Variants in PRR16 observed in about 807,000 individuals in gnomAD.
The protein encoded by PRR16 is proline rich 16.
Under a neutral mutation model 18.2 loss-of-function variants are expected in PRR16, and 6 were observed. The ratio of observed to expected loss-of-function variants is 0.33; its 90% confidence interval spans 0.18 to 0.65. The LOEUF is 0.65. PRR16 is among the 30% of genes least tolerant of loss of function. PRR16 has a pLI of 0.74. For synonymous variants in PRR16, 151 were observed against 147.8 expected, an observed-to-expected ratio of 1.02 and a Z score of -0.16; for missense variants, 412 against 376.6, an observed-to-expected ratio of 1.09 and a Z score of -0.78.
chr5:120,532,494 G>C (rs1292609451), intron 1 of PRR16, among the ~76,000 whole-genome samples: 1 of 151,778 alleles, frequency 6.6e-6, no homozygotes, highest in African/African-American at 2.4e-5. Context: ...AAATTAATTA[G>C]AATAATATTT....
At chr5:120,633,446 G>A (rs181149443) in intron 1 of PRR16, among the ~76,000 whole-genome samples, 37 of 152,178 alleles carry the variant, frequency 2.4e-4, no homozygotes, top group East Asian at 7.7e-4. Context: ...ATAAGAACTC[G>A]CCAACCAAGT....
intron 1 of PRR16, among the ~76,000 whole-genome samples, chr5:120,667,326 C>G (rs1262996036): frequency 2.1e-5 from 3 of 140,712 alleles, no homozygotes; most frequent in Non-Finnish European, 3.2e-5. Flanking sequence ...TTTATTGTGT[C>G]TATTTGATTC....
chr5:120,466,064 C>T lies in PRR16; in HGVS notation c.159+1419C>T, dbSNP rs150135074. On this transcript the variant is annotated intron_variant, in intron 1 of 1. Transcript: ENST00000407149. ...TAAATGTCGTTCCTGTAGGTTACTC[C>T]ACAGACAGAACATAATTAGTACTGA... 3.1e-3 allele frequency among the ~76,000 whole-genome samples: 470 copies of T among 152,198 alleles called. 4 individuals are homozygous for T. Among genetic ancestry groups the T allele is most frequent in the African/African-American group, 0.011 (454 of 41,524 alleles).
intron 1 of PRR16, among the ~76,000 whole-genome samples, chr5:120,482,702 C>G (rs974548977): frequency 6.6e-6 from 1 of 152,038 alleles, no homozygotes; most frequent in Non-Finnish European, 1.5e-5. Flanking sequence ...TGAGAAATGT[C>G]GAACTGCTTT....
the PRR16 span, among the ~76,000 whole-genome samples, chr5:120,764,798 GA>G: frequency 6.6e-6 from 1 of 151,982 alleles, no homozygotes; most frequent in Non-Finnish European, 1.5e-5. Context: ...TTAACATCAA[GA>G]AAATTAGATA....
the PRR16 span, among the ~76,000 whole-genome samples, chr5:120,734,119 G>A: frequency 1.3e-5 from 2 of 152,156 alleles, no homozygotes; most frequent in African/African-American, 4.8e-5. Context: ...TAAGCCCTAG[G>A]ATTCATTGCA....
At chr5:120,708,978 CTTTTTTTTTTTTTTTTTT>C in the PRR16 span, among the ~76,000 whole-genome samples, 9 of 43,688 alleles carry the variant, frequency 2.1e-4, no homozygotes, top group East Asian at 8.0e-4. Flanking sequence ...CTCTTTGGTA[CTTTTTTTTTTTTTTTTTT>C]TTTTTTTTTT....
chr5:120,731,149 C>T, the PRR16 span, among the ~76,000 whole-genome samples: 1 of 152,064 alleles, frequency 6.6e-6, no homozygotes, highest in Non-Finnish European at 1.5e-5. Flanking sequence ...CAGAATCTAA[C>T]AAGTTCTGTG....
At chr5:120,783,961 T>G in the PRR16 span, among the ~76,000 whole-genome samples, 1 of 152,120 alleles carries the variant, frequency 6.6e-6, no homozygotes, top group Non-Finnish European at 1.5e-5. Context: ...CGAGAACATG[T>G]GTATTTGTCT....
intron 1 of PRR16, among the ~76,000 whole-genome samples, chr5:120,657,522 T>C (rs1304440268): frequency 1.3e-5 from 2 of 151,944 alleles, no homozygotes; most frequent in African/African-American, 4.8e-5. Flanking sequence ...AGCTGGTTGT[T>C]AGACATTTAA....
chr5:120,662,841 C>G (rs1756223048), intron 1 of PRR16, among the ~76,000 whole-genome samples: 1 of 152,020 alleles, frequency 6.6e-6, no homozygotes, highest in African/African-American at 2.4e-5. Context: ...GGCCTGGGGA[C>G]CTTGGGGGCA....
intron 1 of PRR16, among the ~76,000 whole-genome samples, chr5:120,511,989 GTTAAA>G (rs1042350941): frequency 2.0e-5 from 3 of 152,148 alleles, no homozygotes; most frequent in Non-Finnish European, 4.4e-5. Flanking sequence ...AAGCTCCACA[GTTAAA>G]TTATTCAGCT....
chr5:120,530,992 T>A (rs1314381995), intron 1 of PRR16, among the ~76,000 whole-genome samples: 1 of 152,208 alleles, frequency 6.6e-6, no homozygotes, highest in African/African-American at 2.4e-5. Flanking sequence ...GAAATAGATA[T>A]ACAGTTGGTA....
At chr5:120,646,048 T>TATATATATATATATATATA (rs1755584808) in intron 1 of PRR16, among the ~76,000 whole-genome samples, 14 of 104,992 alleles carry the variant, frequency 1.3e-4, no homozygotes, top group Admixed American at 6.9e-4. Flanking sequence ...AATACATATT[T>TATATATATATATATATATA]TATATATATA....
At chr5:120,688,765 A>G (rs1757176128), downstream of PRR16, among the ~76,000 whole-genome samples, 2 of 152,190 alleles carry the variant, frequency 1.3e-5, no homozygotes, top group Non-Finnish European at 2.9e-5. Context: ...GCCCGATCCC[A>G]AGGTAGAGCT....
At chr5:120,759,719 C>A in the PRR16 span, among the ~76,000 whole-genome samples, 86,166 of 151,924 alleles carry the variant, frequency 0.57, 25,083 homozygotes, top group East Asian at 0.79. Flanking sequence ...CAAAGGAATT[C>A]ATAATAACAG....
chr5:120,465,980 T>TA (rs1215135972), intron 1 of PRR16, among the ~76,000 whole-genome samples: 1 of 152,162 alleles, frequency 6.6e-6, no homozygotes, highest in African/African-American at 2.4e-5. Flanking sequence ...CTGCATTTGT[T>TA]ACCTAATGCA....
chr5:120,487,860 G>A (rs898532630), intron 1 of PRR16, among the ~76,000 whole-genome samples: 2 of 151,636 alleles, frequency 1.3e-5, no homozygotes, highest in South Asian at 2.1e-4. Flanking sequence ...AGCATGAAGC[G>A]TTGTTGAATT....
the PRR16 span, chr5:120,781,495 T>C: frequency 2.0e-5 from 3 of 152,122 alleles, no homozygotes; most frequent in Admixed American, 6.5e-5. Context: ...CTGTGATGCT[T>C]TGTCTTCAGA....
Sources: gnomAD v4.1 joint callset for allele counts (sites outside exome capture counted in the v4.1 genomes callset) on GRCh38, gnomAD v4.1.1 for gene constraint, MANE v1.5 for transcripts, NCBI Gene and HGNC (gene_info 2026-07-23, HGNC 2026-07-21) for gene names.